Variants in PHTF2 observed in about 807,000 individuals in gnomAD.
PHTF2 encodes protein PHTF2.
Under a neutral mutation model 101.2 loss-of-function variants are expected in PHTF2, and 60 were observed. That is an observed-to-expected ratio of 0.59 (90% CI 0.48 to 0.73). The LOEUF (loss-of-function observed/expected upper bound fraction) is 0.73. PHTF2 is among the 30% of genes least tolerant of loss of function. PHTF2 has a pLI of 0.00. For synonymous variants in PHTF2, 311 were observed against 307.3 expected (o/e 1.01, Z -0.13); for missense variants, 747 against 908.7 (o/e 0.82, Z 2.29).
At chr7:77,888,331 G>A (rs892593858) in intron 3 of PHTF2, among the ~76,000 whole-genome samples, 1 of 152,172 alleles carries the variant, frequency 6.6e-6, no homozygotes, top group African/African-American at 2.4e-5. Flanking sequence ...GGCCAGGCTG[G>A]TCTGAATGGT....
intron 3 of PHTF2, among the ~76,000 whole-genome samples, chr7:77,881,653 G>C (rs1019652333): frequency 6.6e-6 from 1 of 151,970 alleles, no homozygotes; most frequent in Admixed American, 6.6e-5. Context: ...TTATAGATGT[G>C]AGCCACTGCA....
At chr7:77,950,252 A>C (rs1806424583) in intron 17 of PHTF2, among the ~76,000 whole-genome samples, 1 of 152,230 alleles carries the variant, frequency 6.6e-6, no homozygotes. Flanking sequence ...TTTGTAAAGA[A>C]ACTTATTCTC....
intron 2 of PHTF2, among the ~76,000 whole-genome samples, chr7:77,844,264 G>T (rs1796105080): frequency 1.3e-5 from 2 of 152,162 alleles, no homozygotes. Context: ...GAAGTGCTGG[G>T]ATTGCAGGCC....
chr7:77,854,751 A>T, exon 3 of PHTF2: 1 of 725,002 alleles, frequency 1.4e-6, no homozygotes, highest in Non-Finnish European at 2.5e-6. Context: ...CTCTGTGGCC[A>T]CCACCGCCCC....
chr7:77,853,398 AT>A (rs201777573), intron 2 of PHTF2, among the ~76,000 whole-genome samples: 33,264 of 145,990 alleles, frequency 0.23, 3,874 homozygotes, highest in South Asian at 0.28. Flanking sequence ...CAGCTCTGGA[AT>A]TTTTTTTTTT....
At chr7:77,953,781 C>T (rs761123508) in exon 19 of PHTF2, 1 of 1,612,802 alleles carries the variant, frequency 6.2e-7, no homozygotes, top group Admixed American at 1.7e-5. Flanking sequence ...GTTGGACAGT[C>T]CTTTTAGATT....
At chr7:77,867,198 G>C (rs555370007) in intron 3 of PHTF2, among the ~76,000 whole-genome samples, 3 of 152,180 alleles carry the variant, frequency 2.0e-5, no homozygotes, top group Non-Finnish European at 4.4e-5. Context: ...CAGCTTGCCT[G>C]CTGGCAAGAT....
intron 3 of PHTF2, among the ~76,000 whole-genome samples, chr7:77,869,211 G>A (rs1377190373): frequency 6.6e-6 from 1 of 151,980 alleles, no homozygotes; most frequent in Admixed American, 6.6e-5. Flanking sequence ...TACATACAAT[G>A]GGTAATGATT....
At chr7:77,835,752 TTA>T (rs1795408184) in intron 1 of PHTF2, among the ~76,000 whole-genome samples, 1 of 152,132 alleles carries the variant, frequency 6.6e-6, no homozygotes. Flanking sequence ...AACACATATT[TTA>T]TATGTTATAT....
intron 9 of PHTF2, among the ~76,000 whole-genome samples, chr7:77,912,652 T>G (rs1802503776): frequency 6.7e-6 from 1 of 148,540 alleles, no homozygotes; most frequent in African/African-American, 2.5e-5. Context: ...GAACCACTAT[T>G]CTATTTTTGT....
At chr7:77,909,148 C>A in intron 8 of PHTF2, 190 bp downstream of exon 7, 1 of 454,068 alleles carries the variant, frequency 2.2e-6, no homozygotes, top group Non-Finnish European at 3.9e-6. Context: ...ATTTTAAGAC[C>A]ACATGCCTGT....
intron 2 of PHTF2, among the ~76,000 whole-genome samples, chr7:77,846,419 T>C (rs1796284050): frequency 6.6e-6 from 1 of 152,240 alleles, no homozygotes; most frequent in Admixed American, 6.5e-5. Context: ...GCTTATTATG[T>C]GCCACTTTTT....
chr7:77,942,330 G>C (rs1280408846), intron 15 of PHTF2, among the ~76,000 whole-genome samples: 1 of 152,198 alleles, frequency 6.6e-6, no homozygotes, highest in Non-Finnish European at 1.5e-5. Flanking sequence ...TTCCTGTGAA[G>C]GTAGAGGGAC....
intron 1 of PHTF2, among the ~76,000 whole-genome samples, chr7:77,802,245 G>A (rs1426027741): frequency 1.3e-5 from 2 of 152,190 alleles, no homozygotes; most frequent in Non-Finnish European, 2.9e-5. Flanking sequence ...GTATGTAAAT[G>A]TGGTTGGGCA....
chr7:77,799,057 G>A (rs1411595508), intron 1 of PHTF2, 86 bp downstream of exon 1: 1 of 152,718 alleles, frequency 6.5e-6, no homozygotes, highest in Non-Finnish European at 1.5e-5. Flanking sequence ...ATCGGGACGA[G>A]GGAGGAGAGC....
chr7:77,905,783 C>A (rs1801799814), intron 7 of PHTF2, among the ~76,000 whole-genome samples: 2 of 152,048 alleles, frequency 1.3e-5, no homozygotes, highest in African/African-American at 4.8e-5. Context: ...CAGGTGTGAG[C>A]CATTGCATCC....
chr7:77,934,563 A>G (rs902102930), intron 12 of PHTF2, among the ~76,000 whole-genome samples: 2 of 152,260 alleles, frequency 1.3e-5, no homozygotes, highest in Non-Finnish European at 2.9e-5. Flanking sequence ...AAGTGAGGAT[A>G]AAGTATAATC....
At chr7:77,939,611 A>G (rs1805469889) in intron 13 of PHTF2, among the ~76,000 whole-genome samples, 2 of 150,704 alleles carry the variant, frequency 1.3e-5, no homozygotes, top group South Asian at 2.1e-4. Context: ...AAAAAAAAGA[A>G]AACAGAAAGA....
intron 3 of PHTF2, among the ~76,000 whole-genome samples, chr7:77,858,091 C>T (rs1797327255): frequency 6.6e-6 from 1 of 152,170 alleles, no homozygotes; most frequent in African/African-American, 2.4e-5. Context: ...CTCAATTTTG[C>T]TTGCTTCAGT....
Sources: gnomAD v4.1 joint callset for allele counts (sites outside exome capture counted in the v4.1 genomes callset) on GRCh38, gnomAD v4.1.1 for gene constraint, MANE v1.5 for transcripts, NCBI Gene and HGNC (gene_info 2026-07-23, HGNC 2026-07-21) for gene names.